The following CDH18 variants were observed in gnomAD, a reference collection of about 807,000 sequenced individuals.
The protein encoded by CDH18 is cadherin 18.
In CDH18, 31 loss-of-function variants were observed where a neutral mutation model predicts 67.9. The ratio of observed to expected loss-of-function variants is 0.46; its 90% CI spans 0.34 to 0.62. CDH18 has a LOEUF of 0.62. Ranked by LOEUF, CDH18 falls within the 20% of genes least tolerant of loss-of-function variation. The pLI is 0.01. For synonymous variants in CDH18, 362 were observed against 347.2 expected (o/e 1.04, Z -0.48); for missense variants, 890 against 975.5 (o/e 0.91, Z 1.17).
chr5:19,671,715 A>C (rs1758772291), intron 5 of CDH18, among the ~76,000 whole-genome samples: 1 of 152,172 alleles, frequency 6.6e-6, no homozygotes, highest in African/African-American at 2.4e-5. Context: ...CATGAAAAAG[A>C]AAACAAATAC....
At chr5:20,428,993 G>C (rs1283630315) in intron 1 of CDH18, among the ~76,000 whole-genome samples, 1 of 152,070 alleles carries the variant, frequency 6.6e-6, no homozygotes, top group East Asian at 1.9e-4. Flanking sequence ...CATTTCCCAA[G>C]GGAGAATGCT....
At chr5:19,525,241 G>T (rs749965089) in intron 9 of CDH18, among the ~76,000 whole-genome samples, 3 of 152,106 alleles carry the variant, frequency 2.0e-5, no homozygotes, top group Non-Finnish European at 4.4e-5. Context: ...TTTCCCCTGG[G>T]ACTGGAATGT....
chr5:19,565,497 T>A (rs550426893), intron 8 of CDH18, among the ~76,000 whole-genome samples: 1 of 152,192 alleles, frequency 6.6e-6, no homozygotes, highest in Non-Finnish European at 1.5e-5. Flanking sequence ...GGGCTTGGGG[T>A]ACCCCCTAAT....
intron 5 of CDH18, among the ~76,000 whole-genome samples, chr5:19,638,479 T>C (rs1753484132): frequency 6.6e-6 from 1 of 152,188 alleles, no homozygotes; most frequent in Non-Finnish European, 1.5e-5. Flanking sequence ...CTTCCATAAA[T>C]ATTGAAGTCA....
rs529905967 is a variant in CDH18, at chr5:19,952,206, C to T, written c.-257+28854G>A. Among the ~76,000 whole-genome samples, 5 of 152,228 alleles carry T rather than the reference C, an allele frequency of 3.3e-5. No homozygotes were observed. In the South Asian group the frequency reaches 1.0e-3, roughly 32 times the overall value. Reference sequence around the variant, plus strand: ...CTGGGATTACAGGCACCCGCCACCACACCTGGCTAATTTTTTGTGGTTTTA... The same window carrying T: ...CTGGGATTACAGGCACCCGCCACCATACCTGGCTAATTTTTTGTGGTTTTA... On this transcript the variant is annotated intron_variant, in intron 2 of 12. Coordinates refer to ENST00000382275, the MANE Select transcript of CDH18 (RefSeq NM_004934.5).
intron 5 of CDH18, among the ~76,000 whole-genome samples, chr5:19,629,882 T>G (rs550542379): frequency 1.3e-5 from 2 of 152,070 alleles, no homozygotes; most frequent in Non-Finnish European, 2.9e-5. Flanking sequence ...AGAAAAAAAT[T>G]TGTAGAAGAA....
At chr5:19,986,300 CA>C (rs1169754204) in intron 1 of CDH18, among the ~76,000 whole-genome samples, 2 of 152,206 alleles carry the variant, frequency 1.3e-5, no homozygotes, top group Non-Finnish European at 2.9e-5. Context: ...TAATTATAAT[CA>C]GTCTGCACTG....
chr5:20,481,527 G>T (rs985213780), intron 1 of CDH18, among the ~76,000 whole-genome samples: 8 of 152,156 alleles, frequency 5.3e-5, no homozygotes, highest in African/African-American at 1.9e-4. Flanking sequence ...TTTCTCCTCA[G>T]CACACAGGTT....
intron 10 of CDH18, among the ~76,000 whole-genome samples, chr5:19,503,484 G>T (rs979865391): frequency 6.6e-6 from 1 of 152,054 alleles, no homozygotes; most frequent in Non-Finnish European, 1.5e-5. Flanking sequence ...TGTTGATTCA[G>T]AATAGCTTAT....
At chr5:19,760,629 C>T (rs755227379) in intron 3 of CDH18, among the ~76,000 whole-genome samples, 6 of 152,182 alleles carry the variant, frequency 3.9e-5, no homozygotes, top group African/African-American at 7.2e-5. Flanking sequence ...CCTTAATATC[C>T]ATCCCCATGC....
chr5:20,112,334 G>A (rs1747547725), intron 2 of CDH18, among the ~76,000 whole-genome samples: 1 of 152,114 alleles, frequency 6.6e-6, no homozygotes, highest in African/African-American at 2.4e-5. Context: ...TCTTGATTAT[G>A]AATTTTTTGG....
At chr5:20,374,772 T>A (rs1478354943) in intron 1 of CDH18, among the ~76,000 whole-genome samples, 1 of 152,112 alleles carries the variant, frequency 6.6e-6, no homozygotes, top group East Asian at 1.9e-4. Flanking sequence ...ATGACAATAA[T>A]GACAATGAAA....
intron 1 of CDH18, among the ~76,000 whole-genome samples, chr5:20,542,770 C>T (rs1176561383): frequency 1.3e-5 from 2 of 152,090 alleles, no homozygotes; most frequent in East Asian, 3.9e-4. Flanking sequence ...TCCATATTTA[C>T]ATGGCTGTGG....
chr5:20,272,095 G>A (rs184659790), intron 1 of CDH18, among the ~76,000 whole-genome samples: 2 of 152,166 alleles, frequency 1.3e-5, no homozygotes, highest in African/African-American at 4.8e-5. Flanking sequence ...ATAGGATTTG[G>A]AGAGGCAGTG....
At chr5:19,792,268 C>T (rs1266935363) in intron 3 of CDH18, among the ~76,000 whole-genome samples, 1 of 152,078 alleles carries the variant, frequency 6.6e-6, no homozygotes, top group African/African-American at 2.4e-5. Flanking sequence ...TTTTCTCTCT[C>T]TTCTAGAGCT....
intron 2 of CDH18, among the ~76,000 whole-genome samples, chr5:20,194,687 A>T (rs1280935858): frequency 6.6e-6 from 1 of 151,700 alleles, no homozygotes; most frequent in Non-Finnish European, 1.5e-5. Context: ...ATGGTTTTGC[A>T]TCTTGACCAT....
intron 2 of CDH18, among the ~76,000 whole-genome samples, chr5:20,206,448 A>C (rs2085654313): frequency 6.6e-6 from 1 of 152,086 alleles, no homozygotes. Flanking sequence ...TTCAAAAAAA[A>C]ATTAAAGCTT....
intron 3 of CDH18, among the ~76,000 whole-genome samples, chr5:19,834,811 G>T (rs1781440441): frequency 6.6e-6 from 1 of 151,994 alleles, no homozygotes; most frequent in Non-Finnish European, 1.5e-5. Flanking sequence ...CAGGTTGCAT[G>T]AAATTGAAAT....
intron 2 of CDH18, among the ~76,000 whole-genome samples, chr5:19,964,752 G>A (rs1479797244): frequency 6.6e-6 from 1 of 151,658 alleles, no homozygotes; most frequent in African/African-American, 2.4e-5. Flanking sequence ...TACATATTTT[G>A]GCTAATTCCG....
Sources: allele counts gnomAD v4.1 joint callset (sites outside exome capture counted in the v4.1 genomes callset), GRCh38; gene constraint gnomAD v4.1.1; transcripts MANE v1.5; gene names NCBI Gene and HGNC (gene_info 2026-07-23, HGNC 2026-07-21).